The following UPK1B variants were observed in gnomAD, a reference collection of about 807,000 sequenced individuals.
UPK1B encodes uroplakin-1b.
A neutral mutation model predicts 34.2 loss-of-function variants in UPK1B; 28 were observed. That is an observed-to-expected ratio of 0.82 (90% CI 0.61 to 1.12). UPK1B has a LOEUF of 1.12. Among genes scored for constraint, UPK1B ranks in the 50% most tolerant of loss-of-function variants. UPK1B has a pLI of 0.00. For synonymous variants in UPK1B, 81 were observed against 110.4 expected (o/e 0.73, Z 1.67); for missense variants, 325 against 320.9 (o/e 1.01, Z -0.10).
intron 6 of UPK1B, among the ~76,000 whole-genome samples, chr3:119,197,793 G>C (rs536613202): frequency 1.8e-4 from 28 of 152,306 alleles, no homozygotes; most frequent in African/African-American, 6.7e-4. Flanking sequence ...GCAGAAATAA[G>C]GCAGGGTGAG....
intron 3 of UPK1B, among the ~76,000 whole-genome samples, chr3:119,189,052 CAT>C (rs946202695): frequency 5.9e-5 from 9 of 152,150 alleles, no homozygotes; most frequent in Admixed American, 5.9e-4. Context: ...AATTCACTTG[CAT>C]CCCAGCCTCA....
chr3:119,195,437 AG>A (rs1268347232), intron 6 of UPK1B, among the ~76,000 whole-genome samples: 1 of 152,246 alleles, frequency 6.6e-6, no homozygotes, highest in Non-Finnish European at 1.5e-5. Context: ...TGTTGCTGAC[AG>A]GGTGCCTGGA....
chr3:119,203,212 G>A (rs542267327), intron 7 of UPK1B, among the ~76,000 whole-genome samples: 3 of 151,658 alleles, frequency 2.0e-5, no homozygotes, highest in South Asian at 2.1e-4. Flanking sequence ...ATGGTGGCGC[G>A]TGCCTGTAGT....
intron 1 of UPK1B, among the ~76,000 whole-genome samples, chr3:119,179,774 G>A (rs1264251574): frequency 7.4e-6 from 1 of 134,796 alleles, no homozygotes; most frequent in African/African-American, 2.8e-5. Flanking sequence ...CCCAGAGTGC[G>A]GGGATTACAG....
chr3:119,203,263 C>T (rs1377496900), intron 7 of UPK1B, among the ~76,000 whole-genome samples: 1 of 140,530 alleles, frequency 7.1e-6, no homozygotes, highest in East Asian at 2.1e-4. Flanking sequence ...ATGGCGTGAA[C>T]CCGGGAGGCG....
chr3:119,184,340 G>A (rs1044635778), intron 1 of UPK1B, among the ~76,000 whole-genome samples: 17 of 152,218 alleles, frequency 1.1e-4, no homozygotes, highest in Admixed American at 5.9e-4. Flanking sequence ...GCCCCTCAGC[G>A]GTGCCTCTGT....
chr3:119,199,344 G>C (rs1302865853), intron 7 of UPK1B, among the ~76,000 whole-genome samples: 1 of 152,188 alleles, frequency 6.6e-6, no homozygotes, highest in African/African-American at 2.4e-5. Flanking sequence ...CCAGGGAAAG[G>C]CTGTGCCCTG....
intron 2 of UPK1B, among the ~76,000 whole-genome samples, 198 bp downstream of exon 2, chr3:119,187,008 A>G (rs2078022115): frequency 6.6e-6 from 1 of 152,216 alleles, no homozygotes; most frequent in African/African-American, 2.4e-5. Context: ...GAAAAAGTAG[A>G]TATTTTCCTC....
chr3:119,191,396 T>C (rs2078043635), intron 5 of UPK1B, among the ~76,000 whole-genome samples: 1 of 152,192 alleles, frequency 6.6e-6, no homozygotes, highest in African/African-American at 2.4e-5. Context: ...GAGCTAGTCT[T>C]GCCAAGGACC....
rs892043054 is a variant in UPK1B, at chr3:119,204,919, G to A, written c.*952G>A. 8 of 152,224 alleles carry A rather than the reference G, an allele frequency of 5.3e-5. No individual in the cohort carries two copies. The highest frequency in any genetic ancestry group is 2.6e-4 in the Admixed American group (4 of 15,276). 9.4% of individuals were successfully genotyped at this position (152,224 alleles called of 1,614,324 possible). On this transcript the variant is annotated 3_prime_UTR_variant, in exon 8 of 8. Coordinates refer to ENST00000264234, the MANE Select transcript of UPK1B (RefSeq NM_006952.4). Reference sequence around the variant, plus strand: ...GGGGACTTCTGGGGACAGACAAGGTGCCTGTTATATATTTACTCAGTCTTT... The same window carrying A: ...GGGGACTTCTGGGGACAGACAAGGTACCTGTTATATATTTACTCAGTCTTT...
intron 1 of UPK1B, among the ~76,000 whole-genome samples, chr3:119,179,505 G>GCCTTTTTTTTT (rs2077978115): frequency 2.2e-5 from 1 of 45,244 alleles, no homozygotes; most frequent in Non-Finnish European, 5.1e-5. Flanking sequence ...TGATGTTGCA[G>GCCTTTTTTTTT]TCTTTTTTTT....
At chr3:119,193,468 A>T (rs1422155957) in intron 5 of UPK1B, among the ~76,000 whole-genome samples, 3 of 152,224 alleles carry the variant, frequency 2.0e-5, no homozygotes, top group Non-Finnish European at 4.4e-5. Context: ...AAGGAAAGCT[A>T]TATGAATTGT....
intron 7 of UPK1B, 114 bp from the exon 8 acceptor site, chr3:119,203,803 C>A (rs1475578044): frequency 6.5e-6 from 7 of 1,083,842 alleles, no homozygotes; most frequent in East Asian, 5.0e-5. Context: ...AACAAACAAA[C>A]AAAAAAATCT....
intron 6 of UPK1B, among the ~76,000 whole-genome samples, chr3:119,198,379 G>A (rs766196917): frequency 2.0e-4 from 30 of 152,122 alleles, no homozygotes; most frequent in Non-Finnish European, 2.5e-4. Flanking sequence ...CCTTACATGC[G>A]TGTATCACTC....
chr3:119,203,879 A>G, intron 7 of UPK1B, 38 bp from the exon 8 acceptor site: 2 of 1,603,270 alleles, frequency 1.2e-6, no homozygotes, highest in Non-Finnish European at 1.7e-6. Flanking sequence ...TTCTAAAACA[A>G]TCCCTTGTTT....
intron 3 of UPK1B, among the ~76,000 whole-genome samples, chr3:119,189,675 A>G (rs6438502): frequency 0.93 from 141,307 of 152,328 alleles, 65,747 homozygotes; most frequent in Non-Finnish European, 0.97. Flanking sequence ...TGTGCACTTG[A>G]AGCCTGCCTC....
chr3:119,203,354 A>C (rs796496842), intron 7 of UPK1B, among the ~76,000 whole-genome samples: 17 of 141,866 alleles, frequency 1.2e-4, no homozygotes, highest in South Asian at 2.4e-4. Context: ...AAAAAAAAAA[A>C]AAAAAAAAAA....
intron 1 of UPK1B, among the ~76,000 whole-genome samples, chr3:119,185,818 C>T (rs2078015303): frequency 6.6e-6 from 1 of 152,220 alleles, no homozygotes; most frequent in Non-Finnish European, 1.5e-5. Flanking sequence ...GATTGACCCA[C>T]ACACTTACCT....
In UPK1B at chr3:119,188,614, G is replaced by C. The variant is rs115947875; in HGVS notation, c.270+639G>C. 6.9e-3 allele frequency among the ~76,000 whole-genome samples: 1,054 copies of C among 152,300 alleles called. 11 individuals carry two copies. Among genetic ancestry groups the C allele is most frequent in the African/African-American group, 0.025 (1,031 of 41,550 alleles). On this transcript the variant is annotated intron_variant, in intron 3 of 7. Transcript: ENST00000264234. ...GCTTTAACTCTGTACATCAAGGAGAGGCTTCTGCCCCAAACCATAGACAGC... is the reference window on the plus strand; with the variant it reads ...GCTTTAACTCTGTACATCAAGGAGACGCTTCTGCCCCAAACCATAGACAGC...
Sources: allele counts gnomAD v4.1 joint callset (sites outside exome capture counted in the v4.1 genomes callset), GRCh38; gene constraint gnomAD v4.1.1; transcripts MANE v1.5; gene names NCBI Gene and HGNC (gene_info 2026-07-23, HGNC 2026-07-21).